Variants in CLEC16A observed in about 807,000 individuals in gnomAD.
CLEC16A encodes protein CLEC16A.
Under a neutral mutation model 109.5 loss-of-function variants are expected in CLEC16A, and 51 were observed. That is an observed-to-expected ratio of 0.47 (90% CI 0.37 to 0.59). The LOEUF (loss-of-function observed/expected upper bound fraction) is 0.59. CLEC16A is among the 20% of genes least tolerant of loss of function. CLEC16A has a pLI of 0.00. For synonymous variants in CLEC16A, 673 were observed against 564.2 expected (o/e 1.19, Z -2.73); for missense variants, 1,339 against 1,394.0 (o/e 0.96, Z 0.63).
At chr16:11,102,604 C>T (rs554095057) in intron 19 of CLEC16A, among the ~76,000 whole-genome samples, 116 of 152,318 alleles carry the variant, frequency 7.6e-4, no homozygotes, top group Non-Finnish European at 1.5e-3. Flanking sequence ...TAGTCCCAAC[C>T]GCTTCATTTG....
At chr16:11,167,691 G>C (rs2068328334) in intron 23 of CLEC16A, among the ~76,000 whole-genome samples, 1 of 152,068 alleles carries the variant, frequency 6.6e-6, no homozygotes. Flanking sequence ...ACTTCACGAG[G>C]CCCAGGCAGG....
At chr16:11,106,873 C>G (rs976686248) in intron 19 of CLEC16A, among the ~76,000 whole-genome samples, 2 of 152,150 alleles carry the variant, frequency 1.3e-5, no homozygotes, top group African/African-American at 4.8e-5. Flanking sequence ...TGGAAGGTGG[C>G]AGAGTTACCA....
In CLEC16A at chr16:11,119,299, A is replaced by C. The variant is rs1380679661; in HGVS notation, c.2117-1316A>C. 2.6e-5 allele frequency among the ~76,000 whole-genome samples: 4 copies of C among 152,114 alleles called. 1 individual carries two copies. The highest frequency in any genetic ancestry group is 9.7e-5 in the African/African-American group (4 of 41,424). ...ATTACAGGCATGAGCCACAGCACCC[A>C]GCCTATATGTCTATTTTTATACCAG... is the stretch of plus-strand genomic sequence containing the variant. On this transcript the variant is annotated intron_variant, in intron 19 of 23. Transcript: ENST00000409790.
rs763005116 is a variant in CLEC16A at position 11,018,403 on chromosome 16, T to G, written c.1304-1790T>G. 5.3e-5 allele frequency among the ~76,000 whole-genome samples: 8 copies of G among 151,622 alleles called. No homozygotes were observed. The Middle Eastern group carries it at 0.017, about 331-fold the overall frequency. ...CAGTCACACCTGGCTAGGAGAGACC[T>G]GGTGTGAGAGCCTTCCAGGCAGAGG... is the stretch of plus-strand genomic sequence containing the variant. On this transcript the variant is annotated intron_variant, in intron 11 of 23. Coordinates refer to ENST00000409790, the MANE Select transcript of CLEC16A (RefSeq NM_015226.3).
chr16:11,143,719 C>T (rs566083843), intron 22 of CLEC16A, among the ~76,000 whole-genome samples: 2 of 152,332 alleles, frequency 1.3e-5, no homozygotes, highest in East Asian at 3.9e-4. Flanking sequence ...ACACCTTCTG[C>T]ACTTGAAGCT....
rs367604940 is a variant in CLEC16A, at chr16:10,979,024, C to T, written c.904-305C>T. Among the ~76,000 whole-genome samples, 78 of 152,170 alleles carry T rather than the reference C, an allele frequency of 5.1e-4. 1 individual carries two copies. The East Asian group carries it at 0.01, about 20-fold the overall frequency. ...CTCTCCTGCCGGGGCGTCCAGTGCC[C>T]CAGCTGGTACAAATGAACGTGCTTG... On this transcript the variant is annotated intron_variant, in intron 8 of 23. Transcript: ENST00000409790.
rs561371495 is a variant in CLEC16A, at chr16:11,106,373, C to T, written c.2117-14242C>T. On this transcript the variant is annotated intron_variant, in intron 19 of 23. Coordinates refer to ENST00000409790, the MANE Select transcript of CLEC16A (RefSeq NM_015226.3). Reference sequence around the variant, plus strand: ...TTTTGATCATAGCTCACTGCAGCCTCGAACTCCTGGGCCCGAGTGAGCTTC... The same window carrying T: ...TTTTGATCATAGCTCACTGCAGCCTTGAACTCCTGGGCCCGAGTGAGCTTC... 1.4e-4 allele frequency among the ~76,000 whole-genome samples: 21 copies of T among 151,682 alleles called. No individual in the cohort carries two copies. In the East Asian group the frequency reaches 3.1e-3, roughly 22 times the overall value.
chr16:11,040,499 AG>A (rs2047267258), intron 14 of CLEC16A: 1 of 116,288 alleles, frequency 8.6e-6, no homozygotes, highest in African/African-American at 3.6e-5. Context: ...TTTTTGTGAT[AG>A]CGCTTTTTCT....
intron 10 of CLEC16A, among the ~76,000 whole-genome samples, chr16:11,001,474 G>A (rs2044666175): frequency 1.3e-5 from 2 of 152,108 alleles, no homozygotes; most frequent in Non-Finnish European, 2.9e-5. Flanking sequence ...TTTGGAATTG[G>A]CAAGCCCCAG....
intron 11 of CLEC16A, among the ~76,000 whole-genome samples, chr16:11,019,127 A>G (rs2045940615): frequency 6.6e-6 from 1 of 152,146 alleles, no homozygotes; most frequent in Non-Finnish European, 1.5e-5. Context: ...ACATTTTGTC[A>G]TCTCTTTTAA....
chr16:11,091,068 G>A (rs1597355059), intron 19 of CLEC16A, among the ~76,000 whole-genome samples: 1 of 152,108 alleles, frequency 6.6e-6, no homozygotes, highest in Admixed American at 6.5e-5. Flanking sequence ...CCAAGGTGTT[G>A]GGATTACAGG....
intron 16 of CLEC16A, among the ~76,000 whole-genome samples, chr16:11,045,596 G>A (rs142713929): frequency 2.0e-5 from 3 of 152,124 alleles, no homozygotes; most frequent in Non-Finnish European, 4.4e-5. Context: ...AGCCTCATGT[G>A]TCTTTCAGGG....
intron 22 of CLEC16A, among the ~76,000 whole-genome samples, chr16:11,147,088 C>T (rs559861831): frequency 3.3e-5 from 5 of 151,884 alleles, no homozygotes; most frequent in African/African-American, 9.7e-5. Context: ...ACCTTGTGTC[C>T]CAGACAGGGG....
Position 11,178,429 on chromosome 16 carries a change from C to G in CLEC16A, c.2901C>G (p.Asn967Lys), listed in dbSNP as rs201142332. 8.1e-6 allele frequency: 13 copies of G among 1,613,596 alleles called. No homozygotes were observed. The African/African-American group carries it at 1.5e-4, about 18-fold the overall frequency. The change falls in exon 24 of 24, where the codon AAC (asparagine) becomes AAG (lysine). Residue 967 changes from asparagine to lysine, a missense_variant. Asn to Lys is a moderately conservative substitution (Grantham distance 94). Coordinates refer to ENST00000409790, the MANE Select transcript of CLEC16A (RefSeq NM_015226.3). This position sits in a 1 kb window ranked among gnomAD's most constrained non-coding sequence, Gnocchi z 6.5. ...AAGCAGACTCTAAGCCCAGCAAGAA[C>G]GTGGCCAGGAGCGCAGCCGTGGAGA... ...ETEADSKPSKNVARSAAVETA... is the reference protein window; with the variant it reads ...ETEADSKPSKKVARSAAVETA...
At chr16:10,986,946 A>G (rs888848266) in intron 10 of CLEC16A, among the ~76,000 whole-genome samples, 4 of 151,704 alleles carry the variant, frequency 2.6e-5, no homozygotes, top group South Asian at 2.1e-4. Context: ...CTCTGTCTCC[A>G]GGGTTCAAGT....
In CLEC16A at chr16:10,961,307, C is replaced by T. The variant is rs138394954; in HGVS notation, c.210-1148C>T. ...GGCCATTTAAATTTTTTCATTTATC[C>T]GTTCATGGATTCAGACAGAATCAGG... On this transcript the variant is annotated intron_variant, in intron 2 of 23. Transcript: ENST00000409790. This position sits in a 1 kb window ranked among gnomAD's most constrained non-coding sequence, Gnocchi z 4.3. 6.4e-4 allele frequency among the ~76,000 whole-genome samples: 98 copies of T among 152,138 alleles called. No homozygotes were observed. The East Asian group carries it at 0.014, about 22-fold the overall frequency.
chr16:11,038,956 C>T (rs76037271), intron 13 of CLEC16A, among the ~76,000 whole-genome samples: 141 of 152,122 alleles, frequency 9.3e-4, no homozygotes, highest in Non-Finnish European at 1.2e-3. Context: ...GAGGGTGGGG[C>T]TCAGCTTTTG....
intron 4 of CLEC16A, among the ~76,000 whole-genome samples, chr16:10,970,121 G>A (rs1165914718): frequency 6.6e-6 from 1 of 152,182 alleles, no homozygotes; most frequent in Admixed American, 6.5e-5. Context: ...TGGTCGTGCT[G>A]GGGCTGGTTC....
chr16:10,980,316 C>T (rs1039472368), intron 9 of CLEC16A, among the ~76,000 whole-genome samples: 5 of 152,124 alleles, frequency 3.3e-5, no homozygotes, highest in African/African-American at 7.2e-5. Context: ...GAGCTCTGCA[C>T]GAGGCCAAGT....
Sources: allele counts gnomAD v4.1 joint callset (sites outside exome capture counted in the v4.1 genomes callset), GRCh38; gene constraint gnomAD v4.1.1; non-coding constraint Gnocchi (gnomAD v3.1); transcripts MANE v1.5; gene names NCBI Gene and HGNC (gene_info 2026-07-23, HGNC 2026-07-21).